CDH13: variants seen among roughly 807,000 people sequenced by gnomAD.
CDH13 encodes the protein cadherin 13.
In CDH13, 24 loss-of-function variants were observed where a neutral mutation model predicts 63.8. The ratio of observed to expected loss-of-function variants is 0.38; its 90% confidence interval spans 0.27 to 0.53. The LOEUF is 0.53. Ranked by LOEUF, CDH13 falls within the 20% of genes least tolerant of loss-of-function variation. The pLI is 0.85. For synonymous variants in CDH13, 503 were observed against 355.3 expected (o/e 1.42, Z -4.67); for missense variants, 1,049 against 903.1 (o/e 1.16, Z -2.07).
chr16:83,469,335 C>A (rs958149641), intron 6 of CDH13, among the ~76,000 whole-genome samples: 2 of 152,158 alleles, frequency 1.3e-5, no homozygotes, highest in Admixed American at 6.6e-5. Context: ...TTTCTTTGTG[C>A]TCAGTGAACG....
At chr16:83,011,347 G>C (rs1914133045) in intron 2 of CDH13, among the ~76,000 whole-genome samples, 1 of 152,104 alleles carries the variant, frequency 6.6e-6, no homozygotes, top group Non-Finnish European at 1.5e-5. Flanking sequence ...TCATGGAAAG[G>C]GCTGAATAAA....
At chr16:83,300,826 T>C (rs1319956001) in intron 5 of CDH13, among the ~76,000 whole-genome samples, 1 of 152,134 alleles carries the variant, frequency 6.6e-6, no homozygotes, top group Non-Finnish European at 1.5e-5. Flanking sequence ...CATTTTACTG[T>C]GTATGTGATG....
Position 83,000,736 on chromosome 16 carries a change from T to C in CDH13, c.158-31274T>C, listed in dbSNP as rs368217838. Among the ~76,000 whole-genome samples the C allele has an allele frequency of 2.6e-5, 4 of 151,994 alleles. No individual in the cohort carries two copies. In the East Asian group the frequency reaches 5.8e-4, roughly 22 times the overall value. ...CTGGGATTACAGGTACCCGCCACCA[T>C]GCCCGGCTAATTTTTTGTATTTTTA... On this transcript the variant is annotated intron_variant, in intron 2 of 13. Transcript: ENST00000567109.
chr16:82,808,645 A>C (rs1817134547), intron 1 of CDH13, among the ~76,000 whole-genome samples: 1 of 152,182 alleles, frequency 6.6e-6, no homozygotes, highest in Non-Finnish European at 1.5e-5. Context: ...AAAAGTTTCA[A>C]AGGAAAGGCT....
intron 8 of CDH13, among the ~76,000 whole-genome samples, chr16:83,624,084 G>C (rs768934501): frequency 1.3e-5 from 2 of 152,112 alleles, no homozygotes; most frequent in Non-Finnish European, 2.9e-5. Flanking sequence ...CAATGTGGAC[G>C]GGATGCTCCT....
chr16:82,896,349 T>C (rs1482345453), intron 2 of CDH13, among the ~76,000 whole-genome samples: 1 of 142,242 alleles, frequency 7.0e-6, no homozygotes, highest in Non-Finnish European at 1.5e-5. Flanking sequence ...TGGAGTGCAG[T>C]GGCGCTATCA....
At chr16:82,710,552 A>ATATATATATATAT (rs1555537841) in intron 1 of CDH13, among the ~76,000 whole-genome samples, 24 of 63,752 alleles carry the variant, frequency 3.8e-4, no homozygotes, top group East Asian at 2.8e-3. Context: ...AAAAAAAAAA[A>ATATATATATATAT]ATATATATAT....
intron 5 of CDH13, among the ~76,000 whole-genome samples, chr16:83,220,098 G>T (rs950803867): frequency 2.0e-5 from 3 of 152,156 alleles, no homozygotes; most frequent in Non-Finnish European, 4.4e-5. Flanking sequence ...ACTCTTCAAT[G>T]GGCTCATGAG....
chr16:82,656,490 C>G (rs995415695), intron 1 of CDH13, among the ~76,000 whole-genome samples: 1 of 152,132 alleles, frequency 6.6e-6, no homozygotes, highest in African/African-American at 2.4e-5. Context: ...TACCTCCTAT[C>G]CCCACAAATG....
chr16:83,450,058 A>T (rs567778477), intron 6 of CDH13, among the ~76,000 whole-genome samples: 2 of 152,322 alleles, frequency 1.3e-5, no homozygotes, highest in South Asian at 4.1e-4. Flanking sequence ...GCAGAGTTCA[A>T]TGCCGACATC....
intron 7 of CDH13, among the ~76,000 whole-genome samples, chr16:83,590,061 A>G (rs1008865525): frequency 1.3e-5 from 2 of 152,198 alleles, no homozygotes; most frequent in Non-Finnish European, 2.9e-5. Context: ...TTTACAGAAT[A>G]TAACACTGAG....
intron 1 of CDH13, among the ~76,000 whole-genome samples, chr16:82,732,194 C>T (rs1351718846): frequency 1.3e-5 from 2 of 152,108 alleles, no homozygotes; most frequent in Non-Finnish European, 2.9e-5. Flanking sequence ...ATAGGTCCAT[C>T]TTCTTTATCA....
At chr16:83,231,967 A>G (rs1191715864) in intron 5 of CDH13, among the ~76,000 whole-genome samples, 2 of 152,156 alleles carry the variant, frequency 1.3e-5, no homozygotes, top group East Asian at 1.9e-4. Flanking sequence ...TGACACAGAA[A>G]CAGAAAACCA....
intron 7 of CDH13, among the ~76,000 whole-genome samples, chr16:83,526,426 A>T (rs916264282): frequency 2.6e-5 from 4 of 152,184 alleles, no homozygotes; most frequent in African/African-American, 9.7e-5. Flanking sequence ...ACCTAAGACC[A>T]TCAGGCATTA....
chr16:82,680,004 C>G (rs537693731), intron 1 of CDH13, among the ~76,000 whole-genome samples: 2 of 152,130 alleles, frequency 1.3e-5, no homozygotes, highest in African/African-American at 4.8e-5. Context: ...CCATAACACA[C>G]GGGTCTTCTT....
At chr16:83,341,985 C>T (rs957846291) in intron 5 of CDH13, among the ~76,000 whole-genome samples, 3 of 96,002 alleles carry the variant, frequency 3.1e-5, no homozygotes, top group African/African-American at 7.2e-5. Context: ...ATAGGTGTCC[C>T]CTGCCACACA....
chr16:83,645,528 T>G (rs1911706052), intron 8 of CDH13, among the ~76,000 whole-genome samples: 1 of 76,218 alleles, frequency 1.3e-5, no homozygotes, highest in African/African-American at 5.2e-5. Flanking sequence ...ATAACAAACA[T>G]GCACACATGC....
intron 6 of CDH13, among the ~76,000 whole-genome samples, chr16:83,371,871 C>T (rs927893041): frequency 1.3e-5 from 2 of 151,908 alleles, no homozygotes; most frequent in Admixed American, 1.3e-4. Flanking sequence ...AAGATTAGAG[C>T]AATGTATTTA....
intron 6 of CDH13, among the ~76,000 whole-genome samples, chr16:83,440,361 G>C (rs992699770): frequency 6.6e-6 from 1 of 152,058 alleles, no homozygotes; most frequent in South Asian, 2.1e-4. Context: ...GTGCAGAGTG[G>C]AGAGCTCCAA....
Sources: allele counts gnomAD v4.1 joint callset (sites outside exome capture counted in the v4.1 genomes callset), GRCh38; gene constraint gnomAD v4.1.1; transcripts MANE v1.5; gene names NCBI Gene and HGNC (gene_info 2026-07-23, HGNC 2026-07-21).